The following ASMTL variants were observed in gnomAD, a reference collection of about 807,000 sequenced individuals.
ASMTL encodes the protein acetylserotonin O-methyltransferase like, also known as probable bifunctional dTTP/UTP pyrophosphatase/methyltransferase protein.
A neutral mutation model predicts 60.3 loss-of-function variants in ASMTL; 57 were observed. The observed-to-expected ratio is 0.95, with a 90% CI of 0.76 to 1.18. The LOEUF (loss-of-function observed/expected upper bound fraction) is 1.18, where lower values mean the gene tolerates loss of function less well. Ranked by LOEUF, ASMTL falls within the 50% of genes most tolerant of loss-of-function variation. The pLI is 0.00. For synonymous variants in ASMTL, 419 were observed against 373.0 expected (o/e 1.12, Z -1.42); for missense variants, 981 against 852.6 (o/e 1.15, Z -1.88).
chrX:1,429,520 A>G (rs2090710303), intron 6 of ASMTL, among the ~76,000 whole-genome samples: 1 of 151,100 alleles, frequency 6.6e-6, no homozygotes, highest in African/African-American at 2.4e-5. Flanking sequence ...ATGAAAGTGC[A>G]GGTGTTGGGC....
At chrX:1,411,240 G>A (rs865898821) in intron 12 of ASMTL, among the ~76,000 whole-genome samples, 16 of 152,082 alleles carry the variant, frequency 1.1e-4, no homozygotes, top group African/African-American at 2.7e-4. Flanking sequence ...AGAGACAGAG[G>A]GAGAGAAGAA....
At position 1,435,748 on chromosome X, in the gene ASMTL, C is replaced by T. The variant is rs767258476; in HGVS notation, c.284G>A (p.Gly95Glu). 1.2e-6 allele frequency: 2 copies of T among 1,613,672 alleles called. No homozygotes were observed. The highest frequency in any genetic ancestry group is 1.3e-5 in the African/African-American group (1 of 75,020). Residue 95 changes from glycine to glutamate, a missense_variant, in exon 4 of 13, where the codon GGG (glycine) becomes GAG (glutamate). Coordinates refer to ENST00000381317, the MANE Select transcript of ASMTL (RefSeq NM_004192.4). ...IGADTIVTVG[G>E]LILEKPVDKQ... ...GTCCACCGGCTTCTCCAGAATCAGC[C>T]CCCCGACTGTCTGTGAGAGGAAGGG...
At chrX:1,450,602 TC>T (rs2091340202) in intron 1 of ASMTL, among the ~76,000 whole-genome samples, 1 of 51,238 alleles carries the variant, frequency 2.0e-5, no homozygotes, top group Non-Finnish European at 3.8e-5. Context: ...CACTCTCCCC[TC>T]CCCCATCCCT....
At chrX:1,424,175 T>TCCAC (rs201947262) in intron 8 of ASMTL, among the ~76,000 whole-genome samples, 6 of 134,438 alleles carry the variant, frequency 4.5e-5, no homozygotes, top group Non-Finnish European at 9.4e-5. Context: ...CATCCATCCA[T>TCCAC]CCACCCACCC....
chrX:1,422,278 C>G (rs1199369178), intron 8 of ASMTL, among the ~76,000 whole-genome samples: 1 of 152,150 alleles, frequency 6.6e-6, no homozygotes, highest in Non-Finnish European at 1.5e-5. Flanking sequence ...GTGCATTGGC[C>G]TCATCCAGCT....
intron 12 of ASMTL, among the ~76,000 whole-genome samples, chrX:1,405,653 AGATGGATGGATGG>A (rs2089799112): frequency 6.7e-6 from 1 of 148,836 alleles, no homozygotes; most frequent in Non-Finnish European, 1.5e-5. Context: ...TGCATGGATG[AGATGGATGGATGG>A]GTGAATAGAT....
Position 1,452,289 on chromosome X carries a change from G to C in ASMTL, c.93+459C>G, listed in dbSNP as rs1444353681. Among the ~76,000 whole-genome samples the C allele has an allele frequency of 4.2e-4, 57 of 134,142 alleles. 1 individual carries two copies. The highest frequency in any genetic ancestry group is 1.8e-4 in the Non-Finnish European group (11 of 62,664). 88.0% of individuals were successfully genotyped at this position (134,142 alleles called of 152,430 possible). A position where few individuals can be genotyped will look rare whatever the true frequency, so the allele number is the denominator to read the frequency against. Reference sequence around the variant, plus strand: ...CTCCCCCACCCCCATCCCTAGGGGGGGTCTCGGCTTACTCTCCCCATCCCC... The same window carrying C: ...CTCCCCCACCCCCATCCCTAGGGGGCGTCTCGGCTTACTCTCCCCATCCCC... On this transcript the variant is annotated intron_variant, in intron 1 of 12. Coordinates refer to ENST00000381317, the MANE Select transcript of ASMTL (RefSeq NM_004192.4).
At chrX:1,432,023 C>G in intron 6 of ASMTL, 1 of 575,536 alleles carries the variant, frequency 1.7e-6, no homozygotes, top group South Asian at 2.1e-5. Context: ...TCCCCAGTCC[C>G]CACCGCAGCC....
At chrX:1,450,717 C>T (rs2091345713) in intron 1 of ASMTL, among the ~76,000 whole-genome samples, 1 of 145,990 alleles carries the variant, frequency 6.8e-6, no homozygotes, top group South Asian at 2.2e-4. Flanking sequence ...CAACCCCATC[C>T]CTAGGGGTTC....
chrX:1,427,803 C>T lies in ASMTL; in HGVS notation c.828G>A (p.Arg276=). ...GQATAEAECH[R]TRETLPPFPT... ...GGAACGGAGGCAGGGTCTCCCGAGT[C>T]CTGTGACACTCAGCCTCTGCCGTGG... The change falls in exon 7 of 13, where the codon AGG becomes AGA. Residue 276 remains arginine, a synonymous_variant. Transcript: ENST00000381317. The T allele has an allele frequency of 1.2e-6, 2 of 1,612,976 alleles. No homozygotes were observed. The highest frequency in any genetic ancestry group is 1.1e-5 in the South Asian group (1 of 91,048).
rs192342338 is a variant in ASMTL, at chrX:1,421,795, C to T, written c.1108G>A (p.Glu370Lys). Residue 370 changes from glutamate (E) to lysine (K), a missense_variant, in exon 9 of 13, where the codon GAA (glutamate) becomes AAA (lysine). Coordinates refer to ENST00000381317, the MANE Select transcript of ASMTL (RefSeq NM_004192.4). ...ATGATGAAGCCGTGCAGAGAGTATT[C>T]GCCATCCGATGCCAGGTAGACGTTC... ...TANVYLASDG[E>K]YSLHGFIMHN... The T allele has an allele frequency of 1.4e-4, 220 of 1,613,800 alleles. No homozygotes were observed. In the Middle Eastern group the frequency reaches 4.0e-3, roughly 29 times the overall value.
In ASMTL at chrX:1,442,297, G is replaced by T; in HGVS notation, c.114C>A (p.Val38=). The T allele has an allele frequency of 6.2e-7, 1 of 1,613,804 alleles. No individual in the cohort carries two copies. The highest frequency in any genetic ancestry group is 8.5e-7 in the Non-Finnish European group (1 of 1,179,838). Residue 38 remains valine (V), a synonymous_variant, in exon 2 of 13, where the codon GTC becomes GTA. Coordinates refer to ENST00000381317, the MANE Select transcript of ASMTL (RefSeq NM_004192.4). ...CCAGCTTCTCTTTAAACTTGGAGGG[G>T]ACCACCTCAAACCTGAGACCCTGCA... is the stretch of plus-strand genomic sequence containing the variant. ...LSNAGLRFEV[V]PSKFKEKLDK... is the part of the protein sequence containing the mutation.
chrX:1,424,692 A>G, intron 8 of ASMTL, among the ~76,000 whole-genome samples: 1 of 146,398 alleles, frequency 6.8e-6, no homozygotes, highest in African/African-American at 2.6e-5. Context: ...ACCCACCTTT[A>G]TCCATCCAGT....
chrX:1,408,156 G>C (rs62605708), intron 12 of ASMTL, among the ~76,000 whole-genome samples: 2 of 41,336 alleles, frequency 4.8e-5, no homozygotes, highest in African/African-American at 1.1e-4. Context: ...AACTATGATG[G>C]CAACACTGCC....
intron 9 of ASMTL, among the ~76,000 whole-genome samples, chrX:1,420,352 T>G (rs2090449252): frequency 6.6e-6 from 1 of 151,800 alleles, no homozygotes; most frequent in African/African-American, 2.4e-5. Context: ...TGTCTCTGTC[T>G]CCCTCTATCT....
chrX:1,450,074 ATG>A (rs1491086582), intron 1 of ASMTL, among the ~76,000 whole-genome samples: 1 of 149,340 alleles, frequency 6.7e-6, no homozygotes, highest in Non-Finnish European at 1.5e-5. Flanking sequence ...ACCAGTAACT[ATG>A]CCCCCATCAC....
intron 3 of ASMTL, among the ~76,000 whole-genome samples, chrX:1,437,216 G>T (rs1569534249): frequency 6.6e-6 from 1 of 152,136 alleles, no homozygotes; most frequent in East Asian, 1.9e-4. Context: ...TCCTCCTGAG[G>T]CCTCTCTCCT....
In ASMTL at chrX:1,452,885, G is replaced by A. The variant is rs2091431810; in HGVS notation, c.-45C>T. On this transcript the variant is annotated 5_prime_UTR_variant, in exon 1 of 13. Transcript: ENST00000381317. ...GGGCGTCCGCACTTCTGAGCCCGGA[G>A]CCCGCGGTGCGCGCAGCGCGGCTGC... 5 of 1,409,306 alleles carry A rather than the reference G, an allele frequency of 3.5e-6. No individual in the cohort carries two copies. Among genetic ancestry groups the A allele is most frequent in the Non-Finnish European group, 4.7e-6 (5 of 1,057,610 alleles). 87.3% of individuals were successfully genotyped at this position (1,409,306 alleles called of 1,614,324 possible).
chrX:1,431,533 CAA>C lies in ASMTL; in HGVS notation c.509+734_509+735del, dbSNP rs751393058. 4.5e-3 allele frequency among the ~76,000 whole-genome samples: 632 copies of C among 140,046 alleles called. 6 individuals are homozygous for C. Among genetic ancestry groups the C allele is most frequent in the African/African-American group, 0.01 (404 of 38,740 alleles). The allele number at this position is 140,046 out of a possible 152,430, so 91.9% of individuals were successfully genotyped here. Reference sequence around the variant, plus strand: ...TCATTAAAAATCATTAAATTTCAATCAAAAGTGTTAATATATAATCTATATTA... The same window carrying C: ...TCATTAAAAATCATTAAATTTCAATCAAGTGTTAATATATAATCTATATTA... On this transcript the variant is annotated intron_variant, in intron 6 of 12. Transcript: ENST00000381317.
Sources: allele counts gnomAD v4.1 joint callset (sites outside exome capture counted in the v4.1 genomes callset), GRCh38; gene constraint gnomAD v4.1.1; transcripts MANE v1.5; gene names NCBI Gene and HGNC (gene_info 2026-07-23, HGNC 2026-07-21).